Variants in ARK2N observed in about 807,000 individuals in gnomAD.
The protein encoded by ARK2N is arkadia (RNF111) N-terminal like PKA signaling regulator 2N.
the ARK2N span, among the ~76,000 whole-genome samples, chr18:46,259,885 C>CTGTGTGTGTGTGGGTGTGTGTGTGTG: frequency 1.2e-5 from 1 of 81,596 alleles, no homozygotes; most frequent in African/African-American, 4.6e-5. Flanking sequence ...ATCCTCCCGT[C>CTGTGTGTGTGTGGGTGTGTGTGTGTG]TGTGTGTGTG....
At chr18:46,180,447 C>G in the ARK2N span, among the ~76,000 whole-genome samples, 1 of 152,260 alleles carries the variant, frequency 6.6e-6, no homozygotes, top group East Asian at 1.9e-4. Flanking sequence ...TGGCTCACGC[C>G]TGTAATCCCA....
chr18:46,174,141 G>A, the ARK2N span: 1 of 152,638 alleles, frequency 6.6e-6, no homozygotes, highest in Non-Finnish European at 1.5e-5. Context: ...GTTCACTTTG[G>A]TCCCGGCAGG....
the ARK2N span, among the ~76,000 whole-genome samples, chr18:46,213,209 C>A: frequency 6.6e-6 from 1 of 151,724 alleles, no homozygotes; most frequent in Non-Finnish European, 1.5e-5. Context: ...ACCATCTCGG[C>A]CAGGCTGGTC....
chr18:46,257,963 G>C, the ARK2N span, among the ~76,000 whole-genome samples: 1 of 149,324 alleles, frequency 6.7e-6, no homozygotes, highest in East Asian at 2.0e-4. Flanking sequence ...GTCTCGCCCT[G>C]TCCTCCAGGC....
the ARK2N span, chr18:46,216,152 A>G: frequency 6.2e-7 from 1 of 1,614,052 alleles, no homozygotes; most frequent in South Asian, 1.1e-5. The surrounding 1 kb of genome is among the most constrained non-coding windows in gnomAD (Gnocchi z 4.3). Flanking sequence ...GACTCCTCTA[A>G]TCACTGCATG....
At chr18:46,212,500 CCT>C in the ARK2N span, among the ~76,000 whole-genome samples, 1 of 151,936 alleles carries the variant, frequency 6.6e-6, no homozygotes, top group Non-Finnish European at 1.5e-5. Context: ...CTGTTTCTTA[CCT>C]CTCTATATAA....
the ARK2N span, among the ~76,000 whole-genome samples, chr18:46,206,701 C>T: frequency 6.6e-6 from 1 of 152,234 alleles, no homozygotes; most frequent in Middle Eastern, 3.4e-3. Flanking sequence ...GAATTTATTA[C>T]TTTTATCTTA....
the ARK2N span, among the ~76,000 whole-genome samples, chr18:46,228,322 A>G: frequency 1.5e-4 from 23 of 152,320 alleles, no homozygotes; most frequent in Admixed American, 1.0e-3. Context: ...TTTTCTATGC[A>G]TGTGTAAACT....
At chr18:46,262,951 G>A in the ARK2N span, 3 of 1,614,008 alleles carry the variant, frequency 1.9e-6, no homozygotes, top group South Asian at 1.1e-5. Context: ...TCGAGGTGGT[G>A]TGATTCAGAG....
At chr18:46,191,631 G>C in the ARK2N span, among the ~76,000 whole-genome samples, 1 of 152,126 alleles carries the variant, frequency 6.6e-6, no homozygotes, top group Non-Finnish European at 1.5e-5. Context: ...CACCAGAAAG[G>C]CACGGTTATT....
chr18:46,174,818 G>T, the ARK2N span, among the ~76,000 whole-genome samples: 1 of 152,204 alleles, frequency 6.6e-6, no homozygotes, highest in African/African-American at 2.4e-5. Flanking sequence ...TAGGGGGTCT[G>T]GCGCCGACAC....
the ARK2N span, among the ~76,000 whole-genome samples, chr18:46,248,271 G>A: frequency 5.9e-5 from 9 of 152,318 alleles, no homozygotes; most frequent in Admixed American, 3.3e-4. Context: ...GGGAGACAAC[G>A]TCTTCAGGAA....
the ARK2N span, chr18:46,228,761 G>T: frequency 2.5e-6 from 1 of 398,452 alleles, no homozygotes; most frequent in Non-Finnish European, 4.4e-6. Context: ...TGTAGGGACG[G>T]GGTTCTGTTA....
At chr18:46,195,978 T>A in the ARK2N span, among the ~76,000 whole-genome samples, 2 of 151,504 alleles carry the variant, frequency 1.3e-5, no homozygotes, top group Non-Finnish European at 2.9e-5. Flanking sequence ...GTTTACTTTT[T>A]CTTTTTCTTT....
chr18:46,192,166 G>C, the ARK2N span, among the ~76,000 whole-genome samples: 1 of 152,132 alleles, frequency 6.6e-6, no homozygotes, highest in Non-Finnish European at 1.5e-5. Context: ...TGTTAAAAGA[G>C]CATAATTATA....
the ARK2N span, among the ~76,000 whole-genome samples, chr18:46,241,722 C>T: frequency 1.8e-4 from 28 of 151,414 alleles, no homozygotes; most frequent in African/African-American, 6.8e-4. Context: ...TAGACTGTAT[C>T]CCCCCAAAAA....
the ARK2N span, among the ~76,000 whole-genome samples, chr18:46,185,218 A>G: frequency 2.6e-5 from 4 of 152,226 alleles, no homozygotes; most frequent in Non-Finnish European, 4.4e-5. Flanking sequence ...GATACTGAAC[A>G]TGATCCCTGT....
chr18:46,244,372 A>G, the ARK2N span, among the ~76,000 whole-genome samples: 305 of 152,232 alleles, frequency 2.0e-3, 1 homozygote, highest in African/African-American at 7.1e-3. Flanking sequence ...TCTTGTCAAG[A>G]AGGTAGGTTC....
At chr18:46,256,348 C>G in the ARK2N span, among the ~76,000 whole-genome samples, 12 of 152,160 alleles carry the variant, frequency 7.9e-5, no homozygotes, top group African/African-American at 2.9e-4. Context: ...AATGTTACAG[C>G]ATGAACCACA....
Sources: gnomAD v4.1 joint callset for allele counts (sites outside exome capture counted in the v4.1 genomes callset) on GRCh38, gnomAD v4.1.1 for gene constraint, Gnocchi (gnomAD v3.1) non-coding constraint, MANE v1.5 for transcripts, NCBI Gene and HGNC (gene_info 2026-07-23, HGNC 2026-07-21) for gene names.